KLRD1: variants seen among roughly 807,000 people sequenced by gnomAD.
The protein encoded by KLRD1 is natural killer cells antigen CD94.
In KLRD1, 21 loss-of-function variants were observed where a neutral mutation model predicts 22.6. That is an observed-to-expected ratio of 0.93 (90% CI 0.66 to 1.34). KLRD1 has a LOEUF of 1.34. Ranked by LOEUF, KLRD1 falls within the 40% of genes most tolerant of loss-of-function variation. The pLI, the probability that KLRD1 is intolerant of heterozygous loss-of-function variation, is 0.00. For missense variants in KLRD1, 183 were observed against 208.6 expected, an observed-to-expected ratio of 0.88 and a Z score of 0.76; for synonymous variants, 59 against 71.1, an observed-to-expected ratio of 0.83 and a Z score of 0.85.
At position 10,309,419 on chromosome 12, in the gene KLRD1, TG is replaced by T; in HGVS notation, c.42del (p.Thr15ProfsTer2). On this transcript the variant is annotated frameshift_variant, in exon 2 of 6. Coordinates refer to ENST00000336164, the MANE Select transcript of KLRD1 (RefSeq NM_002262.5). LOFTEE classifies it high-confidence loss of function. Reference sequence around the variant, plus strand: ...AGACCACTCTGTGGAGGTTAATTTCTGGGACCTTAGGGATAATATGCCTTTC... The same window carrying T: ...AGACCACTCTGTGGAGGTTAATTTCTGGACCTTAGGGATAATATGCCTTTC... ...FKTTLWRLIS[G>X]TLGIICLSLM... 6.5e-7 allele frequency: 1 copy of T among 1,544,152 alleles called. No individual in the cohort carries two copies. The highest frequency in any genetic ancestry group is 9.0e-7 in the Non-Finnish European group (1 of 1,115,966).
At chr12:10,304,898 TCAGG>T (rs1468199323), upstream of KLRD1, among the ~76,000 whole-genome samples, 1 of 152,204 alleles carries the variant, frequency 6.6e-6, no homozygotes, top group East Asian at 1.9e-4. Flanking sequence ...TTGTTTTTTC[TCAGG>T]GAGCCCTCTC....
chr12:10,304,857 C>G (rs1005637461), upstream of KLRD1, among the ~76,000 whole-genome samples: 5 of 152,132 alleles, frequency 3.3e-5, no homozygotes, highest in Admixed American at 6.5e-5. Flanking sequence ...AGCATGTTTA[C>G]AATGAGATTT....
intron 3 of KLRD1, 28 bp downstream of exon 3, chr12:10,309,716 C>T: frequency 6.6e-7 from 1 of 1,516,004 alleles, no homozygotes. Context: ...GAAAACTTAG[C>T]ATTGGTAAAA....
chr12:10,282,160 T>C (rs1677015744), intron 1 of KLRD1, among the ~76,000 whole-genome samples: 1 of 152,162 alleles, frequency 6.6e-6, no homozygotes, highest in South Asian at 2.1e-4. Flanking sequence ...TTCTCTAACA[T>C]TGCCTATAAT....
At chr12:10,290,244 C>T (rs78280412) in intron 1 of KLRD1, among the ~76,000 whole-genome samples, 151 of 152,284 alleles carry the variant, frequency 9.9e-4, no homozygotes, top group Middle Eastern at 3.4e-3. Context: ...CAAACATCTA[C>T]CATGGCAAAT....
rs1950296138 is a variant in KLRD1, at chr12:10,319,973, C to A, written c.*5180C>A. The A allele has an allele frequency of 6.9e-6, 1 of 144,524 alleles. No homozygotes were observed. The highest frequency in any genetic ancestry group is 2.1e-4 in the East Asian group (1 of 4,814). The allele number at this position is 144,524 out of a possible 1,614,324, so 9.0% of individuals were successfully genotyped here. A position where few individuals can be genotyped will look rare whatever the true frequency, so the allele number is the denominator to read the frequency against. The stretch of plus-strand genomic sequence containing the variant: ...TTCTGCCTCCTGGATTCAAGCAATT[C>A]TCCTGCCTCAGCCTCCTGAGCAGCT... On this transcript the variant is annotated 3_prime_UTR_variant, in exon 6 of 6. Coordinates refer to ENST00000336164, the MANE Select transcript of KLRD1 (RefSeq NM_002262.5).
intron 1 of KLRD1, among the ~76,000 whole-genome samples, chr12:10,239,531 CTTTCTT>C (rs1166146690): frequency 0.13 from 9,753 of 74,336 alleles, 670 homozygotes; most frequent in Non-Finnish European, 0.18. Flanking sequence ...TTCTTTCTTT[CTTTCTT>C]TCTTTCTTTC....
intron 1 of KLRD1, among the ~76,000 whole-genome samples, chr12:10,296,377 G>C (rs1027258371): frequency 6.6e-6 from 1 of 152,004 alleles, no homozygotes; most frequent in African/African-American, 2.4e-5. Flanking sequence ...TTAGCCGGGC[G>C]TGGTGGCGGA....
At chr12:10,256,382 T>G (rs1024907039) in intron 1 of KLRD1, among the ~76,000 whole-genome samples, 8 of 151,346 alleles carry the variant, frequency 5.3e-5, no homozygotes, top group African/African-American at 1.9e-4. Flanking sequence ...ATAGTTATTT[T>G]CCCACTCATT....
At position 10,317,555 on chromosome 12, in the gene KLRD1, T is replaced by A. The variant is rs1950258690; in HGVS notation, c.*2762T>A. 1 of 152,194 alleles carries A rather than the reference T, an allele frequency of 6.6e-6. No individual in the cohort carries two copies. Among genetic ancestry groups the A allele is most frequent in the African/African-American group, 2.4e-5 (1 of 41,458 alleles). The allele number at this position is 152,194 out of a possible 1,614,324, so 9.4% of individuals were successfully genotyped here. ...CATAAAATCCTAAGCAAGCCTTTGT[T>A]TCTTTGCAGTCAGCTTTTCTTCTGC... is the stretch of plus-strand genomic sequence containing the variant. On this transcript the variant is annotated 3_prime_UTR_variant, in exon 6 of 6. Coordinates refer to ENST00000336164, the MANE Select transcript of KLRD1 (RefSeq NM_002262.5).
intron 1 of KLRD1, among the ~76,000 whole-genome samples, chr12:10,239,734 C>T (rs1252979151): frequency 6.6e-6 from 1 of 151,358 alleles, no homozygotes; most frequent in Non-Finnish European, 1.5e-5. Context: ...CTCCACTTCC[C>T]GGGTTCAGGC....
intron 1 of KLRD1, among the ~76,000 whole-genome samples, chr12:10,253,235 T>C (rs564126854): frequency 6.6e-6 from 1 of 152,276 alleles, no homozygotes; most frequent in South Asian, 2.1e-4. Flanking sequence ...GAATACTTTT[T>C]GCCCCCTCCT....
chr12:10,251,013 C>T (rs911987419), intron 1 of KLRD1, among the ~76,000 whole-genome samples: 1 of 152,144 alleles, frequency 6.6e-6, no homozygotes, highest in Non-Finnish European at 1.5e-5. Flanking sequence ...ATCGGGATTT[C>T]TGAAGTTCCA....
intron 1 of KLRD1, among the ~76,000 whole-genome samples, chr12:10,290,846 C>G (rs1834865035): frequency 6.6e-6 from 1 of 152,006 alleles, no homozygotes; most frequent in Admixed American, 6.6e-5. Flanking sequence ...TATATATACA[C>G]AAATACACAC....
At chr12:10,263,732 C>T (rs1386500868) in intron 1 of KLRD1, among the ~76,000 whole-genome samples, 1 of 152,024 alleles carries the variant, frequency 6.6e-6, no homozygotes, top group African/African-American at 2.4e-5. Flanking sequence ...GCTTGAGTAC[C>T]AGATGCATTG....
At chr12:10,288,978 T>C (rs1411207140) in intron 1 of KLRD1, among the ~76,000 whole-genome samples, 1 of 152,188 alleles carries the variant, frequency 6.6e-6, no homozygotes, top group Admixed American at 6.5e-5. Flanking sequence ...CTTATTATTC[T>C]GAGTTAGGGC....
rs1950391806 is a variant in KLRD1 at position 10,329,530 on chromosome 12, T to C, written c.*14737T>C. The C allele has an allele frequency of 1.3e-5, 2 of 152,278 alleles. No individual in the cohort carries two copies. The highest frequency in any genetic ancestry group is 4.1e-4 in the South Asian group (2 of 4,836). The allele number at this position is 152,278 out of a possible 1,614,324, so 9.4% of individuals were successfully genotyped here. ...TCTGTAGGTGACTTGACTTGCAGTG[T>C]TGATCAGGTCATCTGGGTCTTTGTT... On this transcript the variant is annotated 3_prime_UTR_variant, in exon 6 of 6. Coordinates refer to ENST00000336164, the MANE Select transcript of KLRD1 (RefSeq NM_002262.5).
intron 1 of KLRD1, among the ~76,000 whole-genome samples, chr12:10,251,668 C>T (rs745422210): frequency 4.0e-5 from 6 of 151,566 alleles, no homozygotes; most frequent in Admixed American, 6.6e-5. Context: ...CAGTGGGAGC[C>T]CTGAGCTTAT....
intron 1 of KLRD1, among the ~76,000 whole-genome samples, chr12:10,251,205 A>G (rs1444521674): frequency 6.6e-6 from 1 of 151,746 alleles, no homozygotes; most frequent in Non-Finnish European, 1.5e-5. Context: ...GCTTACTGCA[A>G]CCTCCGCCTC....
Sources: gnomAD v4.1 joint callset for allele counts (sites outside exome capture counted in the v4.1 genomes callset) on GRCh38, gnomAD v4.1.1 for gene constraint, MANE v1.5 for transcripts, NCBI Gene and HGNC (gene_info 2026-07-23, HGNC 2026-07-21) for gene names.